PUDP: variants seen among roughly 807,000 people sequenced by gnomAD.
PUDP encodes pseudouridine 5'-phosphatase.
In PUDP, 8 loss-of-function variants were observed where a neutral mutation model predicts 9.4. That is an observed-to-expected ratio of 0.85 (90% CI 0.50 to 1.53). The LOEUF is 1.53. PUDP is among the 40% of genes most tolerant of loss of function. The probability of loss-of-function intolerance (pLI) is 0.00; values close to 1 mark genes in which losing one functional copy is unlikely to be tolerated. For synonymous variants in PUDP, 99 were observed against 80.7 expected, an observed-to-expected ratio of 1.23 and a Z score of -1.22; for missense variants, 188 against 189.7, an observed-to-expected ratio of 0.99 and a Z score of 0.05.
intron 1 of PUDP, among the ~76,000 whole-genome samples, chrX:6,999,553 T>C (rs918429087): frequency 1.8e-5 from 2 of 111,626 alleles, no homozygotes; most frequent in Non-Finnish European, 3.8e-5. Context: ...ATCAGGTTGG[T>C]GTATAGACGT....
At chrX:6,837,958 A>G (rs1926609400) in intron 3 of PUDP, among the ~76,000 whole-genome samples, 1 of 111,878 alleles carries the variant, frequency 8.9e-6, no homozygotes, top group Non-Finnish European at 1.9e-5. Flanking sequence ...ACACAATAGA[A>G]ATATCAATGT....
At chrX:6,751,663 A>G (rs1207998331) in intron 3 of PUDP, among the ~76,000 whole-genome samples, 1 of 111,666 alleles carries the variant, frequency 9.0e-6, no homozygotes, top group Non-Finnish European at 1.9e-5. Flanking sequence ...TCACTTTAAG[A>G]GACGTCAGAA....
intron 1 of PUDP, among the ~76,000 whole-genome samples, chrX:7,026,666 G>A: frequency 9.0e-6 from 1 of 111,409 alleles, no homozygotes; most frequent in Non-Finnish European, 1.9e-5. Flanking sequence ...TAGAGACATT[G>A]CTGGTTTCCA....
intron 3 of PUDP, among the ~76,000 whole-genome samples, chrX:6,850,552 T>C (rs1183360288): frequency 1.8e-5 from 2 of 112,545 alleles, no homozygotes; most frequent in South Asian, 3.7e-4. Context: ...AGGCAGCACC[T>C]ATGAGCAGAA....
chrX:6,888,424 C>G (rs985883256), intron 3 of PUDP, among the ~76,000 whole-genome samples: 2 of 109,827 alleles, frequency 1.8e-5, no homozygotes, highest in African/African-American at 6.6e-5. Flanking sequence ...GGTGGATCAC[C>G]TGAGGTCAGG....
At chrX:6,810,634 T>C (rs1926128071) in intron 3 of PUDP, among the ~76,000 whole-genome samples, 1 of 112,042 alleles carries the variant, frequency 8.9e-6, no homozygotes, top group Non-Finnish European at 1.9e-5. Context: ...CAACACCATC[T>C]ACATTCAGAA....
At chrX:6,911,883 C>G (rs1199330768) in intron 3 of PUDP, among the ~76,000 whole-genome samples, 2 of 111,860 alleles carry the variant, frequency 1.8e-5, no homozygotes, top group East Asian at 5.6e-4. Flanking sequence ...TTGAAAACAA[C>G]GTGAATTCTC....
intron 3 of PUDP, among the ~76,000 whole-genome samples, chrX:6,791,292 C>G (rs1925743480): frequency 1.2e-5 from 1 of 86,310 alleles, no homozygotes; most frequent in South Asian, 6.7e-4. Flanking sequence ...GAGGTTGAGT[C>G]TAGGTAACAG....
At chrX:7,004,281 G>C (rs1315478733) in intron 1 of PUDP, among the ~76,000 whole-genome samples, 1 of 111,907 alleles carries the variant, frequency 8.9e-6, no homozygotes, top group South Asian at 3.7e-4. Context: ...ATTGTCCAGA[G>C]TCAGGAGCTA....
At chrX:6,779,618 A>G (rs1925524254) in intron 3 of PUDP, among the ~76,000 whole-genome samples, 3 of 111,830 alleles carry the variant, frequency 2.7e-5, no homozygotes, top group Admixed American at 1.9e-4. Flanking sequence ...TTAAGGCATG[A>G]CCATGGAGCT....
chrX:6,740,396 G>T (rs1204223870), intron 3 of PUDP, among the ~76,000 whole-genome samples: 1 of 111,566 alleles, frequency 9.0e-6, no homozygotes, highest in Admixed American at 9.5e-5. Context: ...GGAGACAAAA[G>T]ATTATATTTT....
intron 1 of PUDP, among the ~76,000 whole-genome samples, chrX:7,014,777 A>T (rs1929524994): frequency 1.8e-5 from 2 of 112,107 alleles, no homozygotes; most frequent in South Asian, 7.4e-4. Context: ...TTCTAGAAAC[A>T]GAATGAAGCA....
At chrX:6,803,266 G>T (rs1925995066) in intron 3 of PUDP, among the ~76,000 whole-genome samples, 1 of 110,394 alleles carries the variant, frequency 9.1e-6, no homozygotes, top group African/African-American at 3.3e-5. Flanking sequence ...ATCTCCCTTT[G>T]TAACCATAAG....
intron 3 of PUDP, among the ~76,000 whole-genome samples, chrX:6,817,191 C>T (rs914086092): frequency 7.4e-5 from 8 of 108,819 alleles, no homozygotes; most frequent in African/African-American, 2.7e-4. Context: ...ATCCTCTTGC[C>T]TCAGCCTTCT....
intron 2 of PUDP, among the ~76,000 whole-genome samples, chrX:7,080,863 G>C (rs1931062129): frequency 9.6e-6 from 1 of 104,564 alleles, no homozygotes; most frequent in African/African-American, 3.5e-5. Flanking sequence ...AGGTTGCAGT[G>C]AGCCGACATA....
chrX:7,040,369 G>C (rs1376508081), intron 1 of PUDP, among the ~76,000 whole-genome samples: 1 of 112,191 alleles, frequency 8.9e-6, no homozygotes. Context: ...GCCCACCACA[G>C]AAAAGAGCCA....
chrX:6,929,367 A>G (rs1423905899), intron 3 of PUDP, among the ~76,000 whole-genome samples: 1 of 112,516 alleles, frequency 8.9e-6, no homozygotes, highest in African/African-American at 3.2e-5. Context: ...TACAAGATGA[A>G]CATTGGCTCG....
intron 1 of PUDP, among the ~76,000 whole-genome samples, chrX:6,999,462 C>A (rs1929295398): frequency 8.9e-6 from 1 of 111,862 alleles, no homozygotes. Flanking sequence ...AAAATACATT[C>A]TTTCAATACA....
intron 3 of PUDP, among the ~76,000 whole-genome samples, chrX:6,783,289 T>G (rs1390110928): frequency 8.9e-6 from 1 of 112,063 alleles, no homozygotes; most frequent in Non-Finnish European, 1.9e-5. Flanking sequence ...GATCTTTTTT[T>G]TATTTTATGT....
Sources: gnomAD v4.1 joint callset for allele counts (sites outside exome capture counted in the v4.1 genomes callset) on GRCh38, gnomAD v4.1.1 for gene constraint, MANE v1.5 for transcripts, NCBI Gene and HGNC (gene_info 2026-07-23, HGNC 2026-07-21) for gene names.